PRDM1: variants seen among roughly 807,000 people sequenced by gnomAD.
The protein encoded by PRDM1 is PR domain zinc finger protein 1.
In PRDM1, 13 loss-of-function variants were observed where a neutral mutation model predicts 62.8. The observed-to-expected ratio is 0.21, with a 90% CI of 0.13 to 0.33. The LOEUF (loss-of-function observed/expected upper bound fraction) is 0.33, where lower values mean the gene tolerates loss of function less well. Among genes scored for constraint, PRDM1 ranks in the 10% least tolerant of loss-of-function variants. PRDM1 has a pLI of 1.00. For synonymous variants in PRDM1, 396 were observed against 417.6 expected (o/e 0.95, Z 0.63); for missense variants, 895 against 1,058.8 (o/e 0.85, Z 2.15).
At chr6:106,023,861 G>A (rs1325031401) in intron 1 of PRDM1, among the ~76,000 whole-genome samples, 10 of 152,182 alleles carry the variant, frequency 6.6e-5, no homozygotes, top group Admixed American at 6.5e-4. Flanking sequence ...AATTAGATTG[G>A]CCTAGCACGG....
At chr6:106,057,579 C>G (rs1432816737) in intron 1 of PRDM1, among the ~76,000 whole-genome samples, 1 of 152,066 alleles carries the variant, frequency 6.6e-6, no homozygotes, top group African/African-American at 2.4e-5. Context: ...TGGTTTACTG[C>G]ACAATATTGA....
In PRDM1 at chr6:106,041,245, GATAAC is replaced by G. The variant is rs566122902; in HGVS notation, c.-66-46951_-66-46947del. 1.8e-3 allele frequency among the ~76,000 whole-genome samples: 273 copies of G among 152,048 alleles called. 2 individuals carry two copies. Among genetic ancestry groups the G allele is most frequent in the African/African-American group, 6.4e-3 (265 of 41,446 alleles). ...CATTGTTCTTTGAGAGAATCTTCTT[GATAAC>G]ATAAAATATCTCCCAGGCCCTACCT... On this transcript the variant is annotated intron_variant, in intron 1 of 6. Transcript: ENST00000652320.
chr6:106,014,537 TA>T (rs1772595534), intron 1 of PRDM1, among the ~76,000 whole-genome samples: 1 of 151,820 alleles, frequency 6.6e-6, no homozygotes, highest in Non-Finnish European at 1.5e-5. Flanking sequence ...GAAACCAGAT[TA>T]TTTTAATATA....
chr6:106,040,420 A>T (rs993247190), intron 1 of PRDM1, among the ~76,000 whole-genome samples: 1 of 152,224 alleles, frequency 6.6e-6, no homozygotes, highest in African/African-American at 2.4e-5. Flanking sequence ...TCTGCAGGCC[A>T]GGGTGTATTT....
intron 1 of PRDM1, among the ~76,000 whole-genome samples, chr6:106,033,100 T>C (rs993091694): frequency 2.0e-5 from 3 of 151,966 alleles, no homozygotes; most frequent in Admixed American, 6.6e-5. Flanking sequence ...TAAATTGTGA[T>C]AAAATATACA....
At chr6:106,072,137 A>G (rs1773529861) in intron 1 of PRDM1, 1 of 152,130 alleles carries the variant, frequency 6.6e-6, no homozygotes, top group Non-Finnish European at 1.5e-5. Flanking sequence ...AGTTGTGTTT[A>G]CACCAACTCA....
upstream of PRDM1, among the ~76,000 whole-genome samples, chr6:106,083,261 G>A (rs1406247907): frequency 6.9e-6 from 1 of 145,768 alleles, no homozygotes; most frequent in Non-Finnish European, 1.5e-5. Flanking sequence ...AGAGGGTGGG[G>A]GGGTTATTCT....
upstream of PRDM1, among the ~76,000 whole-genome samples, chr6:106,083,280 G>A (rs1773725927): frequency 6.6e-6 from 1 of 151,820 alleles, no homozygotes; most frequent in Admixed American, 6.6e-5. Flanking sequence ...CTCTTGATGT[G>A]GTTAGCCTGT....
chr6:106,078,455 A>G (rs1773636898), intron 1 of PRDM1: 1 of 152,254 alleles, frequency 6.6e-6, no homozygotes, highest in Non-Finnish European at 1.5e-5. Context: ...CCCCAAAATG[A>G]CTGCAATCGC....
chr6:106,031,185 T>A (rs1466426093), intron 1 of PRDM1, among the ~76,000 whole-genome samples: 10 of 152,210 alleles, frequency 6.6e-5, no homozygotes, highest in Admixed American at 4.6e-4. Context: ...GAACAACTTC[T>A]GTGTTATATA....
intron 1 of PRDM1, among the ~76,000 whole-genome samples, chr6:106,072,931 GTAA>G (rs1477931094): frequency 6.6e-6 from 1 of 152,162 alleles, no homozygotes; most frequent in African/African-American, 2.4e-5. Context: ...GGAAGGGGAA[GTAA>G]TGATGTTACA....
intron 2 of PRDM1, among the ~76,000 whole-genome samples, chr6:106,092,915 A>C (rs1263535618): frequency 6.6e-6 from 1 of 152,198 alleles, no homozygotes; most frequent in Non-Finnish European, 1.5e-5. Flanking sequence ...CTTTATCTAT[A>C]GGTGTGAGTT....
In PRDM1 at chr6:106,105,022, A is replaced by G. The variant is rs1375448753; in HGVS notation, c.862A>G (p.Ser288Gly). The G allele has an allele frequency of 1.2e-6, 2 of 1,614,078 alleles. No individual in the cohort carries two copies. The highest frequency in any genetic ancestry group is 1.3e-5 in the African/African-American group (1 of 75,010). The change falls in exon 5 of 7, where the codon AGC (serine) becomes GGC (glycine). Residue 288 changes from serine (S) to glycine (G), a missense_variant. Coordinates refer to ENST00000369096, the MANE Select transcript of PRDM1 (RefSeq NM_001198.4). ...CCTCGATGACTTTAGAAGACGTGGG[A>G]GCCCCGAAATGCCCTTCTACCCTCG... ...KDLDDFRRRG[S>G]PEMPFYPRVV...
At chr6:106,008,597 C>T (rs1166660922) in intron 1 of PRDM1, among the ~76,000 whole-genome samples, 2 of 152,126 alleles carry the variant, frequency 1.3e-5, no homozygotes, top group South Asian at 2.1e-4. Context: ...ATAAGTCAAG[C>T]GGCTCTCTAG....
rs773182204 is a variant in PRDM1, at chr6:106,105,556, C to T, written c.1396C>T (p.Leu466Phe). 4.0e-5 allele frequency: 65 copies of T among 1,612,586 alleles called. 3 individuals are homozygous for T. The South Asian group carries it at 6.7e-4, about 17-fold the overall frequency. Reference protein sequence around the residue: ...LPHPMLNPTSLPSSLPSDGAR... With the variant: ...LPHPMLNPTSFPSSLPSDGAR... The stretch of plus-strand genomic sequence containing the variant: ...CCACCCCATGCTCAACCCCACTTCT[C>T]TCCCGAGCTCGCTGCCCTCAGATGG... The change falls in exon 5 of 7, where the codon CTC (leucine) becomes TTC (phenylalanine). Residue 466 changes from leucine to phenylalanine, a missense_variant. Around this residue, in one of 4 missense-constraint regions of PRDM1, gnomAD observed 444 missense variants for 422.7 expected, o/e 1.05. Coordinates refer to ENST00000369096, the MANE Select transcript of PRDM1 (RefSeq NM_001198.4).
intron 1 of PRDM1, among the ~76,000 whole-genome samples, chr6:106,056,122 G>C (rs1669486717): frequency 6.6e-6 from 1 of 152,134 alleles, no homozygotes; most frequent in Non-Finnish European, 1.5e-5. Flanking sequence ...ATTCCTTACA[G>C]ATGAAGCTAC....
At chr6:106,034,039 T>C (rs62420713) in intron 1 of PRDM1, among the ~76,000 whole-genome samples, 2,296 of 152,300 alleles carry the variant, frequency 0.015, 41 homozygotes, top group African/African-American at 0.041. Flanking sequence ...TCTGTTAGCA[T>C]ACAAATATTC....
chr6:106,009,959 CCA>C (rs1772526658), intron 1 of PRDM1, among the ~76,000 whole-genome samples: 1 of 152,190 alleles, frequency 6.6e-6, no homozygotes, highest in Non-Finnish European at 1.5e-5. Flanking sequence ...CTCAAGTGAT[CCA>C]CCTGCCTGGG....
intron 1 of PRDM1, among the ~76,000 whole-genome samples, chr6:106,035,769 C>A (rs1772917614): frequency 6.6e-6 from 1 of 152,168 alleles, no homozygotes; most frequent in Non-Finnish European, 1.5e-5. Context: ...TAAAGTGAAT[C>A]TCTTATAGAT....
Sources: gnomAD v4.1 joint callset for allele counts (sites outside exome capture counted in the v4.1 genomes callset) on GRCh38, gnomAD v4.1.1 for gene constraint, gnomAD v4.1.1 regional missense constraint, MANE v1.5 for transcripts, NCBI Gene and HGNC (gene_info 2026-07-23, HGNC 2026-07-21) for gene names.